The following ACACB variants were observed in gnomAD, a reference collection of about 807,000 sequenced individuals.
ACACB encodes acetyl-CoA carboxylase 2.
Under a neutral mutation model 278.8 loss-of-function variants are expected in ACACB, and 209 were observed. The observed-to-expected ratio is 0.75, with a 90% confidence interval of 0.67 to 0.84. The LOEUF is 0.84. Ranked by LOEUF, ACACB falls within the 40% of genes least tolerant of loss-of-function variation. The pLI, the probability that ACACB is intolerant of heterozygous loss-of-function variation, is 0.00. For missense variants in ACACB, 2,850 were observed against 3,269.0 expected (o/e 0.87, Z 3.13); for synonymous variants, 1,174 against 1,285.6 (o/e 0.91, Z 1.86).
intron 2 of ACACB, among the ~76,000 whole-genome samples, chr12:109,157,806 G>T (rs2043591298): frequency 6.6e-6 from 1 of 152,212 alleles, no homozygotes; most frequent in Admixed American, 6.5e-5. Context: ...ATGAGAACGG[G>T]GTCACAGTTC....
intron 2 of ACACB, among the ~76,000 whole-genome samples, chr12:109,164,448 T>C (rs1048878947): frequency 2.0e-5 from 3 of 152,082 alleles, no homozygotes; most frequent in African/African-American, 7.2e-5. Context: ...GCCGGGCTGG[T>C]CTCAAACTCC....
chr12:109,250,831 A>G (rs186924518), intron 41 of ACACB, among the ~76,000 whole-genome samples: 57 of 152,304 alleles, frequency 3.7e-4, no homozygotes, highest in African/African-American at 1.4e-3. Flanking sequence ...AGCAAGAATG[A>G]AATGAAGTAC....
chr12:109,213,683 C>T (rs1412593103), intron 22 of ACACB, among the ~76,000 whole-genome samples: 3 of 152,120 alleles, frequency 2.0e-5, no homozygotes, highest in Non-Finnish European at 1.5e-5. Flanking sequence ...CAAGCTCCGC[C>T]TCCCGGGTTC....
chr12:109,169,129 AGT>A (rs1253829358), intron 4 of ACACB, among the ~76,000 whole-genome samples: 3 of 122,808 alleles, frequency 2.4e-5, no homozygotes, highest in Non-Finnish European at 4.9e-5. Context: ...TGGGCGACAG[AGT>A]GAGACTGTCT....
At chr12:109,197,239 C>A in intron 17 of ACACB, 86 bp downstream of exon 17, 1 of 1,496,100 alleles carries the variant, frequency 6.7e-7, no homozygotes, top group Non-Finnish European at 8.9e-7. Context: ...GGCCTGTGTG[C>A]AGGTCCAAGG....
chr12:109,264,113 A>G (rs1184639449), intron 49 of ACACB, 119 bp from the exon 50 acceptor site: 1 of 1,215,216 alleles, frequency 8.2e-7, no homozygotes, highest in Admixed American at 2.2e-5. Flanking sequence ...GACCTCTCAC[A>G]AGGCAAGGCC....
At chr12:109,142,400 A>G (rs1654873) in intron 2 of ACACB, among the ~76,000 whole-genome samples, 49,889 of 151,940 alleles carry the variant, frequency 0.33, 8,871 homozygotes, top group East Asian at 0.63. Context: ...TAAAGCATCC[A>G]TATTTGGTAG....
chr12:109,246,452 C>T lies in ACACB; in HGVS notation c.5571+4C>T, dbSNP rs139291802. 1,433 of 1,606,428 alleles carry T rather than the reference C, an allele frequency of 8.9e-4. 15 individuals are homozygous for T. The African/African-American group carries it at 0.016, about 18-fold the overall frequency. On this transcript the variant is annotated splice_donor_region_variant and intron_variant, in intron 39 of 52. Coordinates refer to ENST00000338432, the MANE Select transcript of ACACB (RefSeq NM_001093.4). The stretch of plus-strand genomic sequence containing the variant: ...GGACCCAGAAGACCCCCACAAAGTA[C>T]GTCGTGAAACTGGCGGGGCAGGGTG...
At position 109,228,260 on chromosome 12, in the gene ACACB, C is replaced by T. The variant is rs147807948; in HGVS notation, c.4001+771C>T. Among the ~76,000 whole-genome samples, 826 of 149,948 alleles carry T rather than the reference C, an allele frequency of 5.5e-3. 9 individuals carry two copies. Among genetic ancestry groups the T allele is most frequent in the African/African-American group, 0.019 (782 of 40,710 alleles). On this transcript the variant is annotated intron_variant, in intron 28 of 52. Transcript: ENST00000338432. ...AGGCTGAGGGAGAACTGCTCGAACCCGGGAGGCAGAGGTTGCAGTGAGCTG... is the reference window on the plus strand; with the variant it reads ...AGGCTGAGGGAGAACTGCTCGAACCTGGGAGGCAGAGGTTGCAGTGAGCTG...
Position 109,256,133 on chromosome 12 carries a change from T to A in ACACB, c.6167-7T>A. On this transcript the variant is annotated splice_polypyrimidine_tract_variant and splice_region_variant and intron_variant, in intron 44 of 52. Coordinates refer to ENST00000338432, the MANE Select transcript of ACACB (RefSeq NM_001093.4). ...TCCAGCCTGGGCTTCTGCCCTTCTG[T>A]CCACAGCTCTGAAGGGAACGTGGCA... 1.9e-6 allele frequency: 3 copies of A among 1,612,682 alleles called. No homozygotes were observed. The highest frequency in any genetic ancestry group is 2.5e-6 in the Non-Finnish European group (3 of 1,178,964).
At chr12:109,201,388 A>G (rs1169644700) in intron 18 of ACACB, among the ~76,000 whole-genome samples, 179 bp from the exon 19 acceptor site, 1 of 152,132 alleles carries the variant, frequency 6.6e-6, no homozygotes, top group African/African-American at 2.4e-5. Context: ...GGCACTTAGC[A>G]GGCTTCCAGT....
chr12:109,262,377 A>C lies in ACACB; in HGVS notation c.6695A>C (p.Glu2232Ala), dbSNP rs755278354. 1.2e-6 allele frequency: 2 copies of C among 1,613,322 alleles called. No individual in the cohort carries two copies. Among genetic ancestry groups the C allele is most frequent in the South Asian group, 2.2e-5 (2 of 91,020 alleles). ...TTAAGGGGTGGTGTTCTGGAACCAG[A>C]GGGGACAGTGGAGATTAAGTTCCGA... ...KESRGGVLEP[E>A]GTVEIKFRKK... The change falls in exon 49 of 53, where the codon GAG becomes GCG. Residue 2232 changes from glutamate (E) to alanine (A), a missense_variant. Transcript: ENST00000338432.
chr12:109,143,103 A>T (rs1399110348), intron 2 of ACACB, among the ~76,000 whole-genome samples: 1 of 152,116 alleles, frequency 6.6e-6, no homozygotes, highest in African/African-American at 2.4e-5. Context: ...CGAAGGAGTG[A>T]TGTGCTGCAT....
chr12:109,266,192 A>G lies in ACACB; in HGVS notation c.7251-44A>G, dbSNP rs752967412. On this transcript the variant is annotated intron_variant, in intron 52 of 52. Transcript: ENST00000338432. ...TCTGCCACCCTTGGGGCCACTGAAA[A>G]AGTGGCTGGAGTGATCCCAGCCCTC... 5.0e-6 allele frequency: 8 copies of G among 1,591,358 alleles called. No individual in the cohort carries two copies. The Admixed American group carries it at 8.7e-5, about 17-fold the overall frequency.
intron 4 of ACACB, among the ~76,000 whole-genome samples, chr12:109,171,137 C>T (rs1007006901): frequency 1.4e-5 from 2 of 146,420 alleles, no homozygotes; most frequent in African/African-American, 2.5e-5. Context: ...GTCAGGCGTG[C>T]ACCACCGTGC....
intron 9 of ACACB, among the ~76,000 whole-genome samples, chr12:109,177,578 G>C (rs949771515): frequency 6.6e-6 from 1 of 152,126 alleles, no homozygotes; most frequent in Non-Finnish European, 1.5e-5. Flanking sequence ...GGATTTGGGT[G>C]GGGGGAAGAA....
Position 109,223,815 on chromosome 12 carries a change from A to G in ACACB, c.3793A>G (p.Lys1265Glu). 1 of 1,612,844 alleles carries G rather than the reference A, an allele frequency of 6.2e-7. No individual in the cohort carries two copies. Among genetic ancestry groups the G allele is most frequent in the East Asian group, 2.2e-5 (1 of 44,868 alleles). The change falls in exon 27 of 53, where the codon AAA becomes GAA. Residue 1265 changes from lysine to glutamate, a missense_variant and splice_region_variant. By Grantham distance (56) the Lys-to-Glu change is moderately conservative. Around this residue, in one of 3 missense-constraint regions of ACACB, gnomAD observed 2,265 missense variants for 2,561.3 expected, o/e 0.88. Transcript: ENST00000338432. ...GHQFCPENLKKLILSETTIFD... is the reference protein window; with the variant it reads ...GHQFCPENLKELILSETTIFD... Reference sequence around the variant, plus strand: ...TGTTTCCCCTTTTCATTTCCCTTAGAAATTAATACTTTCGGAAACAACCAT... The same window carrying G: ...TGTTTCCCCTTTTCATTTCCCTTAGGAATTAATACTTTCGGAAACAACCAT...
chr12:109,194,169 C>T (rs1366552785), intron 16 of ACACB, among the ~76,000 whole-genome samples: 5 of 151,590 alleles, frequency 3.3e-5, no homozygotes, highest in African/African-American at 1.2e-4. Context: ...TTGCCCCAGT[C>T]TCTGTCTCTG....
chr12:109,203,530 G>A (rs762028875), intron 19 of ACACB, among the ~76,000 whole-genome samples: 65 of 152,200 alleles, frequency 4.3e-4, no homozygotes, highest in Non-Finnish European at 7.8e-4. Flanking sequence ...TGGAAACACC[G>A]TGAGAACAGG....
Sources: allele counts gnomAD v4.1 joint callset (sites outside exome capture counted in the v4.1 genomes callset), GRCh38; gene constraint gnomAD v4.1.1; regional missense constraint gnomAD v4.1.1; transcripts MANE v1.5; gene names NCBI Gene and HGNC (gene_info 2026-07-23, HGNC 2026-07-21).